TNRC18: variants seen among roughly 807,000 people sequenced by gnomAD.
TNRC18 encodes trinucleotide repeat-containing gene 18 protein.
In TNRC18, 69 loss-of-function variants were observed where a neutral mutation model predicts 226.7. The ratio of observed to expected loss-of-function variants is 0.30; its 90% confidence interval spans 0.25 to 0.37. The LOEUF (loss-of-function observed/expected upper bound fraction) is 0.37. Ranked by LOEUF, TNRC18 falls within the 10% of genes least tolerant of loss-of-function variation. The pLI is 1.00. For synonymous variants in TNRC18, 2,449 were observed against 1,927.6 expected, an observed-to-expected ratio of 1.27 and a Z score of -7.09; for missense variants, 4,754 against 4,256.6, an observed-to-expected ratio of 1.12 and a Z score of -3.25.
chr7:5,361,444 G>T, intron 14 of TNRC18, 150 bp downstream of exon 14: 1 of 959,272 alleles, frequency 1.0e-6, no homozygotes, highest in Non-Finnish European at 1.5e-6. Context: ...GGCAGCACAG[G>T]CCGTGCTCCC....
intron 26 of TNRC18, among the ~76,000 whole-genome samples, chr7:5,314,709 A>G (rs1308086926): frequency 6.6e-6 from 1 of 151,322 alleles, no homozygotes; most frequent in Non-Finnish European, 1.5e-5. Flanking sequence ...CGTAGTTGGG[A>G]TTACAGGCAC....
At chr7:5,408,133 C>G (rs894200811) in intron 2 of TNRC18, among the ~76,000 whole-genome samples, 5 of 152,158 alleles carry the variant, frequency 3.3e-5, no homozygotes, top group African/African-American at 1.2e-4. Context: ...AACGCCGTCT[C>G]TGCTAAAATA....
At chr7:5,400,114 C>A (rs1394564031) in intron 2 of TNRC18, among the ~76,000 whole-genome samples, 2 of 152,038 alleles carry the variant, frequency 1.3e-5, no homozygotes, top group Non-Finnish European at 2.9e-5. Flanking sequence ...AGTCTGGGGT[C>A]TAGAATTCCT....
In TNRC18 at chr7:5,370,802, C is replaced by T. The variant is rs1488423224; in HGVS notation, c.3792G>A (p.Val1264=). ...CCTCCACCACGGGCACCGCCACAGG[C>T]ACCTCCACCGGCTCCTCCTTGGCCT... ...LVEAKEEPVE[V]PVAVPVVEAV... is the part of the protein sequence containing the mutation. The change falls in exon 11 of 30, where the codon GTG becomes GTA. Residue 1264 remains valine, a synonymous_variant. Coordinates refer to ENST00000430969, the MANE Select transcript of TNRC18 (RefSeq NM_001080495.3). 1 of 1,607,600 alleles carries T rather than the reference C, an allele frequency of 6.2e-7. No individual in the cohort carries two copies. Among genetic ancestry groups the T allele is most frequent in the Non-Finnish European group, 8.5e-7 (1 of 1,178,374 alleles).
At chr7:5,361,160 G>A (rs187955304) in intron 14 of TNRC18, among the ~76,000 whole-genome samples, 4 of 152,328 alleles carry the variant, frequency 2.6e-5, no homozygotes, top group Admixed American at 6.5e-5. Context: ...AGTGCCAGAA[G>A]GGGCCAGCCC....
At chr7:5,359,821 G>A (rs76226817) in intron 14 of TNRC18, among the ~76,000 whole-genome samples, 7,255 of 142,698 alleles carry the variant, frequency 0.051, 217 homozygotes, top group East Asian at 0.075. Flanking sequence ...GCTTTTACGC[G>A]TACACTCACA....
intron 18 of TNRC18, among the ~76,000 whole-genome samples, chr7:5,337,351 G>A (rs995863256): frequency 1.3e-5 from 2 of 152,114 alleles, no homozygotes; most frequent in Non-Finnish European, 2.9e-5. Flanking sequence ...GGGCATGATG[G>A]CTCACACCTG....
At chr7:5,308,443 A>G in intron 29 of TNRC18, 131 bp from the exon 30 acceptor site, 1 of 812,778 alleles carries the variant, frequency 1.2e-6, no homozygotes, top group Non-Finnish European at 2.0e-6. Flanking sequence ...AGTCAGAGAC[A>G]GAGGCTGAGT....
chr7:5,371,281 C>T lies in TNRC18; in HGVS notation c.3313G>A (p.Ala1105Thr). ...YPFLLQPTAA[A>T]DADGLAPDVP... is the part of the protein sequence containing the mutation. ...TCAGGGGCCAAGCCGTCCGCGTCGGCGGCGGCCGTGGGCTGCAGCAGGAAA... is the reference window on the plus strand; with the variant it reads ...TCAGGGGCCAAGCCGTCCGCGTCGGTGGCGGCCGTGGGCTGCAGCAGGAAA... Residue 1105 changes from alanine (A) to threonine (T), a missense_variant, in exon 11 of 30, where the codon GCC becomes ACC. Physicochemically the swap from Ala to Thr is moderately conservative, Grantham distance 58. Transcript: ENST00000430969. 5.1e-6 allele frequency: 8 copies of T among 1,582,802 alleles called. No individual in the cohort carries two copies. The highest frequency in any genetic ancestry group is 2.3e-5 in the East Asian group (1 of 44,402).
rs1792825799 is a variant in TNRC18 at position 5,359,654 on chromosome 7, G to A, written c.4662-85C>T. 7 of 1,546,264 alleles carry A rather than the reference G, an allele frequency of 4.5e-6. No individual in the cohort carries two copies. In the South Asian group the frequency reaches 7.8e-5, roughly 17 times the overall value. On this transcript the variant is annotated intron_variant, in intron 14 of 29. Transcript: ENST00000430969. ...TCCACCCTCATGGCCCTGAAGGGTT[G>A]GGCTCTGGACCCTGAGCGTGGACAG... is the stretch of plus-strand genomic sequence containing the variant.
At chr7:5,318,090 T>C (rs1309178956) in intron 24 of TNRC18, among the ~76,000 whole-genome samples, 1 of 152,126 alleles carries the variant, frequency 6.6e-6, no homozygotes, top group Admixed American at 6.6e-5. Flanking sequence ...CAGGCTGGTC[T>C]CAAACTCCTG....
At chr7:5,393,040 C>G (rs544934518) in intron 3 of TNRC18, among the ~76,000 whole-genome samples, 11 of 152,362 alleles carry the variant, frequency 7.2e-5, no homozygotes, top group African/African-American at 2.4e-4. Context: ...GTCCCTCCCC[C>G]GGGCAGGGCT....
intron 19 of TNRC18, 174 bp from the exon 20 acceptor site, chr7:5,325,422 T>TA: frequency 1.5e-6 from 1 of 663,622 alleles, no homozygotes; most frequent in Non-Finnish European, 2.4e-6. Context: ...TTTTGGGTTT[T>TA]TTTTTGTTTT....
chr7:5,373,975 C>T (rs754475974), intron 10 of TNRC18, 80 bp downstream of exon 10: 17 of 1,167,834 alleles, frequency 1.5e-5, no homozygotes, highest in Middle Eastern at 3.1e-4. Context: ...AACGATCGAA[C>T]GGGTCAATGA....
At position 5,388,227 on chromosome 7, in the gene TNRC18, T is replaced by A; in HGVS notation, c.1597A>T (p.Ser533Cys). 1 of 1,603,922 alleles carries A rather than the reference T, an allele frequency of 6.2e-7. No homozygotes were observed. Among genetic ancestry groups the A allele is most frequent in the Non-Finnish European group, 8.5e-7 (1 of 1,176,378 alleles). The change falls in exon 5 of 30, where the codon AGC (serine) becomes TGC (cysteine). Residue 533 changes from serine to cysteine, a missense_variant. Ser to Cys is a moderately radical substitution (Grantham distance 112, BLOSUM62 -1). Coordinates refer to ENST00000430969, the MANE Select transcript of TNRC18 (RefSeq NM_001080495.3). ...ACGGCGGCCTCCTCTTCGGCGCGGC[T>A]GTGGTGGTGCTGCGCGGCCAGCACG... Reference protein sequence around the residue: ...MAVLAAQHHHSRAEEEAAVVA... With the variant: ...MAVLAAQHHHCRAEEEAAVVA...
At chr7:5,323,140 G>C (rs1416436801) in intron 21 of TNRC18, among the ~76,000 whole-genome samples, 2 of 152,150 alleles carry the variant, frequency 1.3e-5, no homozygotes, top group African/African-American at 2.4e-5. Flanking sequence ...GCGGCGGCTG[G>C]TTGTCACATA....
intron 14 of TNRC18, 118 bp from the exon 15 acceptor site, chr7:5,359,687 A>C: frequency 1.8e-6 from 2 of 1,121,750 alleles, no homozygotes; most frequent in Non-Finnish European, 2.6e-6. Context: ...CAGTGATGGC[A>C]GAGTGACGGG....
chr7:5,308,724 C>G (rs1335301955), intron 29 of TNRC18, 151 bp downstream of exon 29: 8 of 786,454 alleles, frequency 1.0e-5, no homozygotes, highest in Non-Finnish European at 1.7e-5. Context: ...AGAACAGGAG[C>G]CAGGCACTGA....
At chr7:5,364,315 T>C (rs1793384679) in intron 11 of TNRC18, among the ~76,000 whole-genome samples, 1 of 151,634 alleles carries the variant, frequency 6.6e-6, no homozygotes, top group Non-Finnish European at 1.5e-5. Flanking sequence ...AAATAAAATA[T>C]AAATGTAAAC....
Sources: gnomAD v4.1 joint callset for allele counts (sites outside exome capture counted in the v4.1 genomes callset) on GRCh38, gnomAD v4.1.1 for gene constraint, MANE v1.5 for transcripts, NCBI Gene and HGNC (gene_info 2026-07-23, HGNC 2026-07-21) for gene names.